Variants in KCNH7 observed in about 807,000 individuals in gnomAD.
The protein encoded by KCNH7 is voltage-gated inwardly rectifying potassium channel KCNH7.
In KCNH7, 49 loss-of-function variants were observed where a neutral mutation model predicts 120.8. The observed-to-expected ratio is 0.41, with a 90% confidence interval of 0.32 to 0.51. KCNH7 has a LOEUF of 0.51. Ranked by LOEUF, KCNH7 falls within the 20% of genes least tolerant of loss-of-function variation. The probability of loss-of-function intolerance (pLI) is 0.38; values close to 1 mark genes in which losing one functional copy is unlikely to be tolerated. For missense variants in KCNH7, 1,097 were observed against 1,446.6 expected (o/e 0.76, Z 3.92); for synonymous variants, 547 against 516.1 (o/e 1.06, Z -0.81).
chr2:162,682,797 T>A (rs1406337759), intron 2 of KCNH7, among the ~76,000 whole-genome samples: 1 of 151,766 alleles, frequency 6.6e-6, no homozygotes, highest in African/African-American at 2.4e-5. Flanking sequence ...AAGAGACCTA[T>A]CTGTATTTGT....
At chr2:162,493,519 G>A (rs946348434) in intron 6 of KCNH7, among the ~76,000 whole-genome samples, 2 of 152,128 alleles carry the variant, frequency 1.3e-5, no homozygotes, top group African/African-American at 4.8e-5. Flanking sequence ...ATGTTTTAAG[G>A]TTATAAGCTG....
intron 6 of KCNH7, among the ~76,000 whole-genome samples, chr2:162,464,302 G>A (rs1374623110): frequency 1.3e-5 from 2 of 151,896 alleles, no homozygotes; most frequent in Non-Finnish European, 1.5e-5. Flanking sequence ...CATTTTGGCT[G>A]ATATTATACT....
intron 2 of KCNH7, among the ~76,000 whole-genome samples, chr2:162,599,576 G>A (rs1694484889): frequency 1.3e-5 from 2 of 150,690 alleles, no homozygotes; most frequent in Admixed American, 1.3e-4. Flanking sequence ...TTTTATTAAT[G>A]CTTCCTAACT....
intron 2 of KCNH7, among the ~76,000 whole-genome samples, chr2:162,801,686 T>A (rs531775951): frequency 2.3e-4 from 35 of 151,838 alleles, no homozygotes; most frequent in Non-Finnish European, 4.6e-4. Flanking sequence ...TAGACTTTCT[T>A]GTATCACAAT....
chr2:162,406,516 A>C (rs1388052892), intron 9 of KCNH7, among the ~76,000 whole-genome samples: 2 of 151,950 alleles, frequency 1.3e-5, no homozygotes, highest in Admixed American at 1.3e-4. Flanking sequence ...TGACATTAGG[A>C]AATTTTCTAG....
chr2:162,439,844 A>ATATTC (rs1474393623), intron 7 of KCNH7, among the ~76,000 whole-genome samples: 1 of 151,660 alleles, frequency 6.6e-6, no homozygotes, highest in East Asian at 1.9e-4. Context: ...ATATATATAT[A>ATATTC]TATTCTAAAC....
At chr2:162,434,025 A>G (rs1688157575) in intron 8 of KCNH7, among the ~76,000 whole-genome samples, 2 of 152,230 alleles carry the variant, frequency 1.3e-5, no homozygotes, top group Middle Eastern at 3.4e-3. Flanking sequence ...TAGTACATAT[A>G]CAATATGGAC....
At chr2:162,468,897 C>T (rs1353156373) in intron 6 of KCNH7, among the ~76,000 whole-genome samples, 1 of 151,504 alleles carries the variant, frequency 6.6e-6, no homozygotes, top group Non-Finnish European at 1.5e-5. Context: ...GTTGACCAGG[C>T]TGACGTGCAG....
At chr2:162,585,980 T>C (rs1050385901) in intron 2 of KCNH7, among the ~76,000 whole-genome samples, 3 of 152,118 alleles carry the variant, frequency 2.0e-5, no homozygotes, top group African/African-American at 7.2e-5. Flanking sequence ...TTTCACATAA[T>C]AAAATTTTCC....
At chr2:162,489,359 TG>T (rs1250540615) in intron 6 of KCNH7, among the ~76,000 whole-genome samples, 1 of 151,974 alleles carries the variant, frequency 6.6e-6, no homozygotes, top group Non-Finnish European at 1.5e-5. Context: ...CTAACACTAA[TG>T]ATAGCCGATG....
At chr2:162,406,550 A>G (rs1176870389) in intron 9 of KCNH7, among the ~76,000 whole-genome samples, 1 of 151,956 alleles carries the variant, frequency 6.6e-6, no homozygotes, top group Non-Finnish European at 1.5e-5. Flanking sequence ...GTCATTAAAT[A>G]TACTTAAATC....
chr2:162,384,643 G>C, intron 13 of KCNH7, 45 bp downstream of exon 13: 2 of 1,579,076 alleles, frequency 1.3e-6, no homozygotes, highest in Non-Finnish European at 8.6e-7. Flanking sequence ...ACCATTTTGT[G>C]ATTAGCACTG....
chr2:162,639,318 T>G lies in KCNH7; in HGVS notation c.308-102238A>C, dbSNP rs116497502. Among the ~76,000 whole-genome samples the G allele has an allele frequency of 5.3e-3, 805 of 152,264 alleles. 8 individuals are homozygous for G. Among genetic ancestry groups the G allele is most frequent in the African/African-American group, 0.018 (761 of 41,572 alleles). On this transcript the variant is annotated intron_variant, in intron 2 of 15. Coordinates refer to ENST00000332142, the MANE Select transcript of KCNH7 (RefSeq NM_033272.4). ...AGTTGTGTGAGATAGGTAGGCACTT[T>G]TATTATCAATTCTTTAAAAATATTA...
intron 5 of KCNH7, 22 bp downstream of exon 5, chr2:162,512,632 G>A (rs748444412): frequency 1.9e-6 from 3 of 1,607,312 alleles, no homozygotes; most frequent in South Asian, 1.1e-5. Context: ...ATCAGATGGT[G>A]AAATTTGAGT....
intron 2 of KCNH7, among the ~76,000 whole-genome samples, chr2:162,622,100 A>G (rs1683383710): frequency 6.6e-6 from 1 of 152,206 alleles, no homozygotes; most frequent in Non-Finnish European, 1.5e-5. Context: ...AAACTGCAGA[A>G]AGGCTTAAAT....
intron 6 of KCNH7, among the ~76,000 whole-genome samples, chr2:162,459,553 C>A (rs1243282604): frequency 6.6e-6 from 1 of 152,106 alleles, no homozygotes; most frequent in Admixed American, 6.6e-5. Context: ...TCTTGCTCTG[C>A]CTTCTTCCTT....
chr2:162,752,857 C>T (rs867127543), intron 2 of KCNH7, among the ~76,000 whole-genome samples: 14 of 143,998 alleles, frequency 9.7e-5, no homozygotes, highest in East Asian at 3.9e-4. Context: ...GCCGAGATTG[C>T]GCCATTGCAC....
intron 2 of KCNH7, among the ~76,000 whole-genome samples, chr2:162,771,764 T>C (rs1362835617): frequency 6.6e-6 from 1 of 152,160 alleles, no homozygotes; most frequent in Non-Finnish European, 1.5e-5. Flanking sequence ...CGTATTTTTA[T>C]ATCTTTAGAC....
intron 2 of KCNH7, among the ~76,000 whole-genome samples, chr2:162,833,631 T>C (rs1009779011): frequency 1.3e-5 from 2 of 152,146 alleles, no homozygotes; most frequent in African/African-American, 2.4e-5. Context: ...AAAATTGATA[T>C]TCTGATAAAC....
Sources: gnomAD v4.1 joint callset for allele counts (sites outside exome capture counted in the v4.1 genomes callset) on GRCh38, gnomAD v4.1.1 for gene constraint, MANE v1.5 for transcripts, NCBI Gene and HGNC (gene_info 2026-07-23, HGNC 2026-07-21) for gene names.